OR51B5: variants seen among roughly 807,000 people sequenced by gnomAD.
OR51B5 encodes the protein olfactory receptor 51B5.
For synonymous variants in OR51B5, 186 were observed against 144.8 expected (o/e 1.28, Z -2.04); for missense variants, 456 against 374.6 (o/e 1.22, Z -1.79).
At chr11:5,503,430 GAAAT>G (rs1846326219) in intron 1 of OR51B5, among the ~76,000 whole-genome samples, 1 of 151,982 alleles carries the variant, frequency 6.6e-6, no homozygotes, top group Non-Finnish European at 1.5e-5. Flanking sequence ...TTTTTACAAA[GAAAT>G]AAAGTTTAAA....
upstream of OR51B5, among the ~76,000 whole-genome samples, chr11:5,348,018 C>T (rs1849019591): frequency 6.6e-6 from 1 of 151,400 alleles, no homozygotes; most frequent in Non-Finnish European, 1.5e-5. Context: ...TAATGAATCT[C>T]CTCTGTAAGA....
chr11:5,351,951 A>G, intron 1 of OR51B5: 1 of 1,613,064 alleles, frequency 6.2e-7, no homozygotes, highest in Non-Finnish European at 8.5e-7. Context: ...GGGTATTGAC[A>G]AGGGCTGGTC....
chr11:5,418,422 CAAAACAAAACAAAAAGA>C (rs1850274723), intron 1 of OR51B5, among the ~76,000 whole-genome samples: 2 of 149,660 alleles, frequency 1.3e-5, no homozygotes, highest in African/African-American at 4.9e-5. Context: ...AAAAACAAAA[CAAAACAAAACAAAAAGA>C]AAAACAAAAC....
chr11:5,426,984 A>T (rs753702772), intron 1 of OR51B5, among the ~76,000 whole-genome samples: 11 of 148,676 alleles, frequency 7.4e-5, no homozygotes, highest in Non-Finnish European at 9.0e-5. Context: ...TATCTGCACG[A>T]TGAGACAACA....
intron 1 of OR51B5, among the ~76,000 whole-genome samples, chr11:5,349,254 G>C (rs1849038270): frequency 6.6e-6 from 1 of 151,726 alleles, no homozygotes; most frequent in Non-Finnish European, 1.5e-5. Flanking sequence ...AAACAGACAA[G>C]ACAAACAGCT....
At chr11:5,468,881 T>C (rs1851179590) in intron 1 of OR51B5, 1 of 408,136 alleles carries the variant, frequency 2.5e-6, no homozygotes, top group African/African-American at 2.0e-5. Context: ...ATGCAGACAG[T>C]AGGAATGGGC....
chr11:5,450,115 G>C (rs542810100), intron 1 of OR51B5, among the ~76,000 whole-genome samples: 1 of 152,178 alleles, frequency 6.6e-6, no homozygotes, highest in African/African-American at 2.4e-5. Context: ...TACACCAGGC[G>C]TGGTGGCTCA....
chr11:5,399,806 A>G (rs551119206), intron 1 of OR51B5, among the ~76,000 whole-genome samples: 2 of 151,998 alleles, frequency 1.3e-5, no homozygotes, highest in East Asian at 1.9e-4. Flanking sequence ...AAGGAAGAAA[A>G]CAAAAGAGAC....
intron 1 of OR51B5, among the ~76,000 whole-genome samples, chr11:5,470,670 G>A (rs555066010): frequency 1.3e-5 from 2 of 152,136 alleles, no homozygotes; most frequent in African/African-American, 4.8e-5. Flanking sequence ...CTCATCACCA[G>A]TCACCATCTA....
At chr11:5,403,676 T>C (rs1055912767) in intron 1 of OR51B5, 6 of 372,382 alleles carry the variant, frequency 1.6e-5, no homozygotes, top group African/African-American at 1.3e-4. Flanking sequence ...AAGTTCTCTA[T>C]AGTCTGTCCA....
Position 5,422,271 on chromosome 11 carries a change from C to G in OR51B5, n.85-75361G>C, listed in dbSNP as rs760036060. ...CTCACGGACATCCCTGGATTTGAGG[C>G]CTCCCACATCTGGATCTCCATCCCC... On this transcript the variant is annotated intron_variant and non_coding_transcript_variant, in intron 1 of 4. Transcript: ENST00000415970. The G allele has an allele frequency of 1.8e-5, 29 of 1,614,064 alleles. No homozygotes were observed. The East Asian group carries it at 6.5e-4, about 36-fold the overall frequency.
intron 1 of OR51B5, among the ~76,000 whole-genome samples, chr11:5,492,017 C>G (rs555227609): frequency 4.3e-4 from 65 of 152,178 alleles, no homozygotes; most frequent in Non-Finnish European, 9.0e-4. Flanking sequence ...GAAGACTTAA[C>G]CTCAGAATCT....
chr11:5,472,370 T>A (rs1267660664), intron 1 of OR51B5, among the ~76,000 whole-genome samples: 1 of 152,034 alleles, frequency 6.6e-6, no homozygotes, highest in African/African-American at 2.4e-5. Flanking sequence ...AGAGATGAGG[T>A]CCCCACTTAC....
chr11:5,383,166 T>C (rs1427307686), intron 1 of OR51B5, among the ~76,000 whole-genome samples: 1 of 152,094 alleles, frequency 6.6e-6, no homozygotes, highest in Non-Finnish European at 1.5e-5. Context: ...GGCTACTTGT[T>C]GTAGGGCTCA....
intron 1 of OR51B5, among the ~76,000 whole-genome samples, chr11:5,410,148 T>C (rs1013606231): frequency 3.3e-5 from 5 of 151,842 alleles, no homozygotes; most frequent in African/African-American, 4.8e-5. Flanking sequence ...AAAAGGAAAA[T>C]GAACCCAGAG....
At chr11:5,378,066 C>T (rs528499470) in intron 1 of OR51B5, among the ~76,000 whole-genome samples, 103 of 152,206 alleles carry the variant, frequency 6.8e-4, no homozygotes, top group African/African-American at 2.4e-3. Context: ...AACTATACTA[C>T]AAGGCTACAG....
chr11:5,366,899 G>C (rs1469450687), intron 1 of OR51B5, among the ~76,000 whole-genome samples: 1 of 152,156 alleles, frequency 6.6e-6, no homozygotes, highest in African/African-American at 2.4e-5. Context: ...TGATTCATGA[G>C]ACAACAGGCA....
intron 1 of OR51B5, among the ~76,000 whole-genome samples, chr11:5,370,907 A>G (rs1849438186): frequency 1.3e-5 from 2 of 152,226 alleles, no homozygotes; most frequent in African/African-American, 4.8e-5. Flanking sequence ...TAGAGGCAAA[A>G]GAAGTATTGC....
chr11:5,375,025 T>C (rs537420338), intron 1 of OR51B5, among the ~76,000 whole-genome samples: 10 of 151,212 alleles, frequency 6.6e-5, no homozygotes, highest in South Asian at 4.3e-4. Flanking sequence ...CCAAGACACA[T>C]AATTGTCAGA....
Sources: allele counts gnomAD v4.1 joint callset (sites outside exome capture counted in the v4.1 genomes callset), GRCh38; gene constraint gnomAD v4.1.1; transcripts MANE v1.5; gene names NCBI Gene and HGNC (gene_info 2026-07-23, HGNC 2026-07-21).